The following NOS1AP variants were observed in gnomAD, a reference collection of about 807,000 sequenced individuals.
NOS1AP encodes nitric oxide synthase 1 adaptor protein.
NOS1AP carries 21 observed loss-of-function variants against 56.2 expected under a neutral mutation model. That is an observed-to-expected ratio of 0.37 (90% CI 0.26 to 0.54). The LOEUF is 0.54. NOS1AP is among the 20% of genes least tolerant of loss of function. The probability of loss-of-function intolerance (pLI) is 0.84; values close to 1 mark genes in which losing one functional copy is unlikely to be tolerated. For missense variants in NOS1AP, 522 were observed against 657.8 expected (o/e 0.79, Z 2.26); for synonymous variants, 270 against 274.6 (o/e 0.98, Z 0.17).
intron 2 of NOS1AP, among the ~76,000 whole-genome samples, chr1:162,189,508 CA>C (rs1571112581): frequency 6.6e-6 from 1 of 152,160 alleles, no homozygotes; most frequent in African/African-American, 2.4e-5. Context: ...GGTGTTTCAA[CA>C]AATATTCATT....
intron 4 of NOS1AP, among the ~76,000 whole-genome samples, chr1:162,332,772 A>G (rs1234260154): frequency 2.0e-5 from 3 of 152,326 alleles, no homozygotes; most frequent in Middle Eastern, 3.4e-3. Flanking sequence ...GGTTAACAAT[A>G]GTGTCGGTTC....
intron 2 of NOS1AP, among the ~76,000 whole-genome samples, chr1:162,285,676 T>C (rs1464228468): frequency 6.6e-6 from 1 of 152,164 alleles, no homozygotes; most frequent in Non-Finnish European, 1.5e-5. Flanking sequence ...CGTTTCCCCT[T>C]TACTCTTTAC....
chr1:162,082,823 C>T (rs1359404083), intron 1 of NOS1AP, among the ~76,000 whole-genome samples: 1 of 152,130 alleles, frequency 6.6e-6, no homozygotes, highest in Admixed American at 6.5e-5. Context: ...GAGATGTTGC[C>T]TTTTGGATTG....
chr1:162,279,514 A>G (rs956990853), intron 2 of NOS1AP, among the ~76,000 whole-genome samples: 1 of 152,234 alleles, frequency 6.6e-6, no homozygotes, highest in African/African-American at 2.4e-5. Context: ...CGTTCCAAAC[A>G]GCAACGAGCT....
chr1:162,119,869 T>C (rs1481297879), intron 1 of NOS1AP, among the ~76,000 whole-genome samples: 2 of 152,104 alleles, frequency 1.3e-5, no homozygotes, highest in Non-Finnish European at 2.9e-5. Context: ...GAGTGAAACA[T>C]ATTAGGGATC....
intron 4 of NOS1AP, among the ~76,000 whole-genome samples, chr1:162,310,444 T>A (rs1445582020): frequency 1.3e-5 from 2 of 152,218 alleles, no homozygotes; most frequent in Admixed American, 6.5e-5. Context: ...CCTATAGATC[T>A]CTTTCTAACT....
At chr1:162,208,223 C>T (rs1652230270) in intron 2 of NOS1AP, among the ~76,000 whole-genome samples, 1 of 152,196 alleles carries the variant, frequency 6.6e-6, no homozygotes, top group Non-Finnish European at 1.5e-5. Flanking sequence ...GCTCAGGACC[C>T]ATCTGTTTTC....
At chr1:162,325,714 T>G (rs1656568151) in intron 4 of NOS1AP, among the ~76,000 whole-genome samples, 1 of 152,132 alleles carries the variant, frequency 6.6e-6, no homozygotes, top group Non-Finnish European at 1.5e-5. Flanking sequence ...GCTTCTTACT[T>G]TCCCAGAGGT....
At chr1:162,078,937 C>A (rs1691830584) in intron 1 of NOS1AP, among the ~76,000 whole-genome samples, 1 of 152,162 alleles carries the variant, frequency 6.6e-6, no homozygotes, top group South Asian at 2.1e-4. Context: ...TGTCAGGGTC[C>A]ATGTCACTCT....
chr1:162,289,254 T>TTCCG, intron 3 of NOS1AP, among the ~76,000 whole-genome samples: 1 of 69,294 alleles, frequency 1.4e-5, no homozygotes, highest in South Asian at 5.4e-4. Context: ...CCTTCCTTCC[T>TTCCG]TCCTTCCTTC....
At chr1:162,256,409 T>C (rs762113282) in intron 2 of NOS1AP, among the ~76,000 whole-genome samples, 2 of 152,228 alleles carry the variant, frequency 1.3e-5, no homozygotes, top group African/African-American at 2.4e-5. Flanking sequence ...TTTGTAACAA[T>C]CTAACTCCTT....
chr1:162,132,566 G>C (rs1327030896), intron 1 of NOS1AP, among the ~76,000 whole-genome samples: 1 of 152,198 alleles, frequency 6.6e-6, no homozygotes, highest in Non-Finnish European at 1.5e-5. Flanking sequence ...GTGAGATCAC[G>C]GCAATCAGAT....
intron 2 of NOS1AP, among the ~76,000 whole-genome samples, chr1:162,231,667 G>GCT (rs1471943856): frequency 7.2e-5 from 11 of 152,152 alleles, no homozygotes; most frequent in African/African-American, 2.7e-4. Flanking sequence ...GTGCTCAGTA[G>GCT]CTATATATGA....
At chr1:162,328,504 G>A (rs1656663724) in intron 4 of NOS1AP, among the ~76,000 whole-genome samples, 2 of 152,206 alleles carry the variant, frequency 1.3e-5, no homozygotes, top group African/African-American at 4.8e-5. Context: ...AGTAATTAGA[G>A]CAGTTCACAT....
chr1:162,348,663 A>C (rs1409523942), intron 6 of NOS1AP, among the ~76,000 whole-genome samples: 2 of 152,222 alleles, frequency 1.3e-5, no homozygotes, highest in Non-Finnish European at 2.9e-5. Context: ...TAAGATGTCC[A>C]ACAGAGCACT....
chr1:162,150,914 T>C (rs1649678096), intron 1 of NOS1AP, among the ~76,000 whole-genome samples: 1 of 152,232 alleles, frequency 6.6e-6, no homozygotes, highest in Non-Finnish European at 1.5e-5. Context: ...GTGGATTGTC[T>C]CTTCACTTTG....
chr1:162,206,890 G>A (rs1223743534), intron 2 of NOS1AP, among the ~76,000 whole-genome samples: 1 of 152,182 alleles, frequency 6.6e-6, no homozygotes, highest in Admixed American at 6.5e-5. Flanking sequence ...ATGAAATAAA[G>A]CCACGAGGGC....
At chr1:162,283,790 T>G (rs1471464908) in intron 2 of NOS1AP, among the ~76,000 whole-genome samples, 1 of 152,216 alleles carries the variant, frequency 6.6e-6, no homozygotes, top group African/African-American at 2.4e-5. Flanking sequence ...GGTCAAGTCC[T>G]GTAGGGCTTC....
At chr1:162,360,232 G>A (rs549878687) in intron 8 of NOS1AP, among the ~76,000 whole-genome samples, 3 of 152,226 alleles carry the variant, frequency 2.0e-5, no homozygotes, top group Non-Finnish European at 4.4e-5. Flanking sequence ...AAGTATTTCC[G>A]GGTTAGACCT....
Sources: gnomAD v4.1 joint callset for allele counts (sites outside exome capture counted in the v4.1 genomes callset) on GRCh38, gnomAD v4.1.1 for gene constraint, MANE v1.5 for transcripts, NCBI Gene and HGNC (gene_info 2026-07-23, HGNC 2026-07-21) for gene names.